TCF20: variants seen among roughly 807,000 people sequenced by gnomAD.
The protein encoded by TCF20 is transcription factor 20, also known as SPRE-binding protein.
A neutral mutation model predicts 148.6 loss-of-function variants in TCF20; 3 were observed. That is an observed-to-expected ratio of 0.02 (90% CI 0.01 to 0.05). The LOEUF is 0.05. Ranked by LOEUF, TCF20 falls within the 10% of genes least tolerant of loss-of-function variation. The pLI is 1.00. For synonymous variants in TCF20, 1,049 were observed against 909.5 expected, an observed-to-expected ratio of 1.15 and a Z score of -2.76; for missense variants, 2,350 against 2,429.3, an observed-to-expected ratio of 0.97 and a Z score of 0.69.
Position 42,160,657 on chromosome 22 carries a change from A to G in TCF20, c.*746T>C, listed in dbSNP as rs548360989. 1.3e-5 allele frequency: 2 copies of G among 152,088 alleles called. No individual in the cohort carries two copies. The highest frequency in any genetic ancestry group is 1.3e-4 in the Admixed American group (2 of 15,278). 9.4% of individuals were successfully genotyped at this position (152,088 alleles called of 1,614,324 possible). A position where few individuals can be genotyped will look rare whatever the true frequency, so the allele number is the denominator to read the frequency against. On this transcript the variant is annotated 3_prime_UTR_variant, in exon 6 of 6. Transcript: ENST00000677622. ...GAAAAAATTAAAAAAAAAAAACCAT[A>G]AATAAATAGTGTTTCTGGAAATGAA...
chr22:42,183,821 T>A (rs1936905646), intron 2 of TCF20, among the ~76,000 whole-genome samples: 1 of 150,616 alleles, frequency 6.6e-6, no homozygotes, highest in African/African-American at 2.5e-5. Context: ...CGCTCTGGAG[T>A]GCAATGGCAT....
rs193232497 is a variant in TCF20 at position 42,341,908 on chromosome 22, G to A, written c.-37+1571C>T. Among the ~76,000 whole-genome samples, 232 of 152,332 alleles carry A rather than the reference G, an allele frequency of 1.5e-3. 3 individuals are homozygous for A. The East Asian group carries it at 0.023, about 15-fold the overall frequency. ...CTGAGAAGGAGATGGGAGTCTGGGAGGACCACAGGGAGGAGGGGATGTAGC... is the reference window on the plus strand; with the variant it reads ...CTGAGAAGGAGATGGGAGTCTGGGAAGACCACAGGGAGGAGGGGATGTAGC... On this transcript the variant is annotated intron_variant, in intron 1 of 1. Coordinates refer to the TCF20 transcript ENST00000515426.
rs1920946515 is a variant in TCF20 at position 42,211,024 on chromosome 22, T to C, written c.4282A>G (p.Lys1428Glu). The C allele has an allele frequency of 1.2e-6, 2 of 1,614,056 alleles. No individual in the cohort carries two copies. Among genetic ancestry groups the C allele is most frequent in the Admixed American group, 3.3e-5 (2 of 60,002 alleles). The change falls in exon 2 of 6, where the codon AAA (lysine) becomes GAA (glutamate). Residue 1428 changes from lysine (K) to glutamate (E), a missense_variant. Around this residue, in one of 7 missense-constraint regions of TCF20, gnomAD observed 231 missense variants for 213.7 expected, o/e 1.08. Coordinates refer to ENST00000677622, the MANE Select transcript of TCF20 (RefSeq NM_001378418.1). ...SPANQELHVE[K>E]PLPRSSEEWR... is the part of the protein sequence containing the mutation. ...TCTTCTGAAGACCTTGGAAGAGGTT[T>C]CTCTACGTGCAACTCCTGGTTTGCT...
At chr22:42,330,177 G>A (rs1181775106) in intron 1 of TCF20, among the ~76,000 whole-genome samples, 3 of 152,232 alleles carry the variant, frequency 2.0e-5, no homozygotes, top group African/African-American at 7.2e-5. Flanking sequence ...GGCTGCAGAG[G>A]CCTGGAGGGC....
chr22:42,205,848 T>G (rs951579565), intron 2 of TCF20, among the ~76,000 whole-genome samples: 1 of 152,212 alleles, frequency 6.6e-6, no homozygotes, highest in Non-Finnish European at 1.5e-5. Context: ...CTTGGCTCAC[T>G]GCAACCTCCG....
chr22:42,237,963 T>C (rs1335826937), intron 1 of TCF20, among the ~76,000 whole-genome samples: 1 of 152,190 alleles, frequency 6.6e-6, no homozygotes, highest in Non-Finnish European at 1.5e-5. Context: ...ATTATTAGAA[T>C]GGTAAATGAG....
intron 1 of TCF20, among the ~76,000 whole-genome samples, chr22:42,242,218 A>AAAAAAAACAAAC (rs1924485820): frequency 7.0e-6 from 1 of 142,586 alleles, no homozygotes; most frequent in Non-Finnish European, 1.5e-5. Flanking sequence ...AAAAAAAAAA[A>AAAAAAAACAAAC]AAAAAAAAAC....
upstream of TCF20, chr22:42,274,295 A>T (rs1453243302): frequency 1.3e-5 from 2 of 152,572 alleles, no homozygotes; most frequent in Non-Finnish European, 2.9e-5. Context: ...AAGGATACTG[A>T]GAGTGCACAA....
intron 1 of TCF20, among the ~76,000 whole-genome samples, chr22:42,289,762 C>T (rs1454075115): frequency 1.3e-5 from 2 of 152,208 alleles, no homozygotes; most frequent in Non-Finnish European, 2.9e-5. Flanking sequence ...GATCTGCCCA[C>T]CTGAGGCCAC....
At chr22:42,191,039 A>C (rs1937306908) in intron 2 of TCF20, among the ~76,000 whole-genome samples, 5 of 152,202 alleles carry the variant, frequency 3.3e-5, no homozygotes, top group Admixed American at 2.0e-4. Flanking sequence ...GGAGGAACAA[A>C]AAACAATTTC....
intron 1 of TCF20, among the ~76,000 whole-genome samples, chr22:42,223,455 C>T (rs763681114): frequency 1.8e-4 from 28 of 152,288 alleles, no homozygotes; most frequent in African/African-American, 4.1e-4. Context: ...ATAACTGTAG[C>T]TATCAATTAT....
chr22:42,273,136 T>G (rs1226080025), upstream of TCF20, among the ~76,000 whole-genome samples: 2 of 151,506 alleles, frequency 1.3e-5, no homozygotes, highest in Non-Finnish European at 1.5e-5. Context: ...AAGGGGGGTG[T>G]ATCACCTGAG....
chr22:42,324,933 CAGA>C (rs1927846929), intron 1 of TCF20, among the ~76,000 whole-genome samples: 1 of 152,222 alleles, frequency 6.6e-6, no homozygotes, highest in East Asian at 1.9e-4. Flanking sequence ...GAAGAGAGGC[CAGA>C]AGAAGCCAGG....
chr22:42,333,757 C>G (rs572287477), intron 1 of TCF20, among the ~76,000 whole-genome samples: 28 of 152,268 alleles, frequency 1.8e-4, no homozygotes, highest in Admixed American at 1.2e-3. Context: ...CAGAGGAAGG[C>G]GATAGAAGGC....
At chr22:42,176,674 G>T (rs1936473269) in intron 3 of TCF20, among the ~76,000 whole-genome samples, 2 of 152,154 alleles carry the variant, frequency 1.3e-5, no homozygotes, top group South Asian at 4.2e-4. Context: ...GGCTGCCTGG[G>T]TGATGGTCTT....
At chr22:42,244,160 T>C (rs1437858234) in intron 1 of TCF20, among the ~76,000 whole-genome samples, 2 of 152,044 alleles carry the variant, frequency 1.3e-5, no homozygotes, top group African/African-American at 2.4e-5. Context: ...TCCACGATCA[T>C]GCCACTGCCC....
At chr22:42,206,805 A>C (rs998744113) in intron 2 of TCF20, among the ~76,000 whole-genome samples, 2 of 152,238 alleles carry the variant, frequency 1.3e-5, no homozygotes, top group Non-Finnish European at 2.9e-5. Flanking sequence ...TATAATTTTT[A>C]CTATAGTCTA....
chr22:42,242,373 G>A (rs1402759131), intron 1 of TCF20, among the ~76,000 whole-genome samples: 2 of 151,800 alleles, frequency 1.3e-5, no homozygotes, highest in African/African-American at 4.8e-5. Flanking sequence ...AAAGAATCAA[G>A]AATCTTGGTG....
intron 1 of TCF20, among the ~76,000 whole-genome samples, chr22:42,341,780 C>T (rs1037981521): frequency 5.6e-4 from 20 of 35,898 alleles, no homozygotes; most frequent in Non-Finnish European, 7.8e-4. Context: ...GCGGGGTGGG[C>T]GGGGGGGGCA....
Sources: gnomAD v4.1 joint callset for allele counts (sites outside exome capture counted in the v4.1 genomes callset) on GRCh38, gnomAD v4.1.1 for gene constraint, gnomAD v4.1.1 regional missense constraint, MANE v1.5 for transcripts, NCBI Gene and HGNC (gene_info 2026-07-23, HGNC 2026-07-21) for gene names.